Variants in MCF2L2 observed in about 807,000 individuals in gnomAD.
MCF2L2 encodes the protein probable guanine nucleotide exchange factor MCF2L2.
In MCF2L2, 102 loss-of-function variants were observed where a neutral mutation model predicts 150.2. The ratio of observed to expected loss-of-function variants is 0.68; its 90% CI spans 0.58 to 0.80. The LOEUF (loss-of-function observed/expected upper bound fraction) is 0.80, where lower values mean the gene tolerates loss of function less well. MCF2L2 is among the 30% of genes least tolerant of loss of function. The pLI, the probability that MCF2L2 is intolerant of heterozygous loss-of-function variation, is 0.00. For synonymous variants in MCF2L2, 465 were observed against 491.3 expected, an observed-to-expected ratio of 0.95 and a Z score of 0.71; for missense variants, 1,256 against 1,372.8, an observed-to-expected ratio of 0.91 and a Z score of 1.34.
At chr3:183,417,178 A>G (rs919339784) in intron 1 of MCF2L2, among the ~76,000 whole-genome samples, 13 of 150,598 alleles carry the variant, frequency 8.6e-5, no homozygotes, top group Non-Finnish European at 1.5e-4. Flanking sequence ...AGTATACAAG[A>G]GGATGTGCAT....
Position 183,428,000 on chromosome 3 carries a change from T to TA in MCF2L2, c.-24dup, listed in dbSNP as rs763932870. ...CATTTCACTGAAAAACCATTCCGTA[T>TA]AAATAAAGCCAAACAAAACTGTTTC... On this transcript the variant is annotated 5_prime_UTR_variant, in exon 1 of 30. Transcript: ENST00000328913. 6 of 1,589,236 alleles carry TA rather than the reference T, an allele frequency of 3.8e-6. No homozygotes were observed. The Admixed American group carries it at 8.3e-5, about 22-fold the overall frequency.
Position 183,270,559 on chromosome 3 carries a change from C to A in MCF2L2, c.1862+6313G>T. The A allele has an allele frequency of 6.2e-7, 1 of 1,614,140 alleles. No individual in the cohort carries two copies. Among genetic ancestry groups the A allele is most frequent in the Non-Finnish European group, 8.5e-7 (1 of 1,180,024 alleles). On this transcript the variant is annotated intron_variant, in intron 15 of 29. Transcript: ENST00000328913. This position sits in a 1 kb window ranked among gnomAD's most constrained non-coding sequence, Gnocchi z 4.5. The stretch of plus-strand genomic sequence containing the variant: ...TGGCCAGCTTACCCTGACTACACAG[C>A]CGGAGCTGCCTATGTAATCTCCGGT...
At chr3:183,292,010 TAAG>T (rs1412147046) in intron 13 of MCF2L2, among the ~76,000 whole-genome samples, 1 of 152,170 alleles carries the variant, frequency 6.6e-6, no homozygotes, top group African/African-American at 2.4e-5. Context: ...TCCAATCATC[TAAG>T]AAGGATGTCT....
chr3:183,409,101 T>A (rs1055303496), intron 1 of MCF2L2, among the ~76,000 whole-genome samples: 1 of 152,258 alleles, frequency 6.6e-6, no homozygotes, highest in African/African-American at 2.4e-5. Flanking sequence ...TATTTCTGCA[T>A]GTTTAAAGAC....
In MCF2L2 at chr3:183,206,174, T is replaced by A; in HGVS notation, c.2753A>T (p.His918Leu). Residue 918 changes from histidine (H) to leucine (L), a missense_variant, in exon 24 of 30, where the codon CAT (histidine) becomes CTT (leucine). Physicochemically the swap from His to Leu is moderately conservative, Grantham distance 99. Coordinates refer to ENST00000328913, the MANE Select transcript of MCF2L2 (RefSeq NM_015078.4). ...LSIRQLGRGS[H>L]RKFEIASRNG... ...TCGACTGGCAATCTCAAACTTTCTATGGCTCCCCCTTCCAAGCTGGCGAAT... is the reference window on the plus strand; with the variant it reads ...TCGACTGGCAATCTCAAACTTTCTAAGGCTCCCCCTTCCAAGCTGGCGAAT... 6.2e-7 allele frequency: 1 copy of A among 1,614,190 alleles called. No homozygotes were observed. Among genetic ancestry groups the A allele is most frequent in the South Asian group, 1.1e-5 (1 of 91,084 alleles).
At chr3:183,357,188 A>T (rs750209988) in intron 3 of MCF2L2, among the ~76,000 whole-genome samples, 3 of 152,224 alleles carry the variant, frequency 2.0e-5, no homozygotes, top group Non-Finnish European at 2.9e-5. Flanking sequence ...CAGATAAACC[A>T]AAAGAACAAA....
chr3:183,412,375 A>C (rs546482129), intron 1 of MCF2L2, among the ~76,000 whole-genome samples: 4 of 151,968 alleles, frequency 2.6e-5, no homozygotes, highest in African/African-American at 9.7e-5. Context: ...GCTCACTGCA[A>C]CCTCCACCTC....
rs562685757 is a variant in MCF2L2, at chr3:183,191,010, C to T, written c.3016+1989G>A. Among the ~76,000 whole-genome samples, 15 of 152,192 alleles carry T rather than the reference C, an allele frequency of 9.9e-5. No individual in the cohort carries two copies. In the South Asian group the frequency reaches 2.5e-3, roughly 25 times the overall value. On this transcript the variant is annotated intron_variant, in intron 27 of 29. Coordinates refer to ENST00000328913, the MANE Select transcript of MCF2L2 (RefSeq NM_015078.4). ...AAGGAATTCTCCTGCCTCAGCCTCC[C>T]GAGTAGCTGGGATTACAGGCGTGTA...
intron 5 of MCF2L2, among the ~76,000 whole-genome samples, chr3:183,333,637 C>A (rs16857333): frequency 6.6e-6 from 1 of 151,806 alleles, no homozygotes; most frequent in Non-Finnish European, 1.5e-5. Context: ...TTGACTTTAC[C>A]CTCACTTAAA....
At chr3:183,252,966 G>A (rs953819511) in intron 15 of MCF2L2, among the ~76,000 whole-genome samples, 1 of 152,250 alleles carries the variant, frequency 6.6e-6, no homozygotes, top group Non-Finnish European at 1.5e-5. Flanking sequence ...CCTGCATGAA[G>A]TATTCTAAAG....
chr3:183,394,053 AG>A (rs1714312807), intron 1 of MCF2L2, among the ~76,000 whole-genome samples: 1 of 152,230 alleles, frequency 6.6e-6, no homozygotes, highest in African/African-American at 2.4e-5. Flanking sequence ...ACCTAGGTTA[AG>A]GGGGAAAAAG....
At chr3:183,390,934 A>C (rs1018295829) in intron 1 of MCF2L2, among the ~76,000 whole-genome samples, 1 of 152,180 alleles carries the variant, frequency 6.6e-6, no homozygotes, top group African/African-American at 2.4e-5. Context: ...ATAACAAAAA[A>C]TGAATGAACT....
chr3:183,296,900 A>C (rs1728536344), intron 12 of MCF2L2, 76 bp downstream of exon 12: 1 of 1,479,532 alleles, frequency 6.8e-7, no homozygotes, highest in Non-Finnish European at 9.2e-7. Flanking sequence ...TGTGTACTTT[A>C]TCAGGAAGAA....
intron 7 of MCF2L2, among the ~76,000 whole-genome samples, chr3:183,314,616 G>T (rs1729520949): frequency 6.6e-6 from 1 of 151,946 alleles, no homozygotes; most frequent in African/African-American, 2.4e-5. Flanking sequence ...CCCCTAAGCT[G>T]TGCTAGTTGT....
chr3:183,289,160 G>C lies in MCF2L2; in HGVS notation c.1736C>G (p.Ser579Cys). 6.2e-7 allele frequency: 1 copy of C among 1,613,970 alleles called. No homozygotes were observed. The highest frequency in any genetic ancestry group is 2.2e-5 in the East Asian group (1 of 44,872). Residue 579 changes from serine to cysteine, a missense_variant, in exon 14 of 30, where the codon TCC (serine) becomes TGC (cysteine). Physicochemically the swap from Ser to Cys is moderately radical, Grantham distance 112 (BLOSUM62 -1). Transcript: ENST00000328913. ...AGTCTCATCATCTTCCTTTCCCCGGGAGTTCAACTCTGTCTCCGTATAAGG... is the reference window on the plus strand; with the variant it reads ...AGTCTCATCATCTTCCTTTCCCCGGCAGTTCAACTCTGTCTCCGTATAAGG... ...EEPYTETELN[S>C]RGKEDDETKF...
chr3:183,292,820 G>C (rs1728242469), intron 13 of MCF2L2, among the ~76,000 whole-genome samples: 5 of 152,088 alleles, frequency 3.3e-5, no homozygotes, highest in Admixed American at 3.3e-4. Flanking sequence ...ACAAGTTAAG[G>C]ATGCATATGG....
At chr3:183,217,475 AAAAAAGAAAAAAG>A (rs1442318603) in intron 21 of MCF2L2, among the ~76,000 whole-genome samples, 5 of 152,002 alleles carry the variant, frequency 3.3e-5, no homozygotes, top group Non-Finnish European at 5.9e-5. Flanking sequence ...TTGTCTCACA[AAAAAAGAAAAAAG>A]AAAAAGAAAA....
intron 3 of MCF2L2, chr3:183,375,949 T>C (rs1196073642): frequency 1.3e-5 from 2 of 152,248 alleles, no homozygotes; most frequent in Admixed American, 1.3e-4. Context: ...AGTTCCCCTT[T>C]CAGGCCTTCT....
At chr3:183,323,484 A>G in intron 5 of MCF2L2, 133 bp from the exon 6 acceptor site, 1 of 369,986 alleles carries the variant, frequency 2.7e-6, no homozygotes, top group Non-Finnish European at 4.8e-6. Context: ...TTGCTTTATC[A>G]GGCATTTATA....
Sources: allele counts gnomAD v4.1 joint callset (sites outside exome capture counted in the v4.1 genomes callset), GRCh38; gene constraint gnomAD v4.1.1; non-coding constraint Gnocchi (gnomAD v3.1); transcripts MANE v1.5; gene names NCBI Gene and HGNC (gene_info 2026-07-23, HGNC 2026-07-21).